The following GRM7 variants were observed in gnomAD, a reference collection of about 807,000 sequenced individuals.
GRM7 encodes glutamate metabotropic receptor 7.
Under a neutral mutation model 84.5 loss-of-function variants are expected in GRM7, and 35 were observed. The ratio of observed to expected loss-of-function variants is 0.41; its 90% CI spans 0.32 to 0.55. The LOEUF is 0.55. Ranked by LOEUF, GRM7 falls within the 20% of genes least tolerant of loss-of-function variation. The pLI is 0.19. For missense variants in GRM7, 1,003 were observed against 1,194.6 expected (o/e 0.84, Z 2.36); for synonymous variants, 487 against 455.1 (o/e 1.07, Z -0.89).
intron 1 of GRM7, among the ~76,000 whole-genome samples, chr3:7,036,743 C>A (rs1696401175): frequency 6.6e-6 from 1 of 152,048 alleles, no homozygotes; most frequent in African/African-American, 2.4e-5. Context: ...GGCAATTTTG[C>A]AGTTTTAAAG....
At chr3:7,061,339 A>T (rs1697428293) in intron 1 of GRM7, among the ~76,000 whole-genome samples, 1 of 151,804 alleles carries the variant, frequency 6.6e-6, no homozygotes, top group East Asian at 1.9e-4. Flanking sequence ...GTGCTGGATA[A>T]TGTTAAAGTT....
At chr3:7,600,115 A>G (rs1010795985) in intron 8 of GRM7, among the ~76,000 whole-genome samples, 2 of 152,062 alleles carry the variant, frequency 1.3e-5, no homozygotes, top group Admixed American at 1.3e-4. Flanking sequence ...TTTCATAGCT[A>G]AATTGTTCAA....
intron 7 of GRM7, among the ~76,000 whole-genome samples, chr3:7,568,795 T>C (rs951212819): frequency 1.3e-5 from 2 of 152,098 alleles, no homozygotes; most frequent in African/African-American, 2.4e-5. Context: ...CCACTGGCGC[T>C]GCGCTTGATT....
intron 8 of GRM7, among the ~76,000 whole-genome samples, chr3:7,583,989 C>T (rs1490685085): frequency 2.6e-5 from 4 of 152,028 alleles, no homozygotes; most frequent in East Asian, 1.9e-4. Context: ...TGATAGTTGT[C>T]GCACAAAGAA....
At chr3:7,602,080 CAAAAAAA>C (rs562646639) in intron 8 of GRM7, among the ~76,000 whole-genome samples, 193 of 93,798 alleles carry the variant, frequency 2.1e-3, no homozygotes, top group Non-Finnish European at 2.9e-3. Flanking sequence ...ATTACCAGGA[CAAAAAAA>C]AAAAAAAAAA....
At chr3:7,290,025 TAAAA>T (rs987276752) in intron 2 of GRM7, among the ~76,000 whole-genome samples, 4 of 151,908 alleles carry the variant, frequency 2.6e-5, no homozygotes, top group African/African-American at 9.7e-5. Flanking sequence ...AAAATAAAAA[TAAAA>T]ATAAAAAAAG....
intron 1 of GRM7, among the ~76,000 whole-genome samples, chr3:7,036,455 T>C (rs1696387749): frequency 6.6e-6 from 1 of 152,162 alleles, no homozygotes. Context: ...GGTCATCATC[T>C]TGAGAATCAC....
chr3:7,590,738 C>G lies in GRM7; in HGVS notation c.2451+11381C>G, dbSNP rs75028138. 1.4e-3 allele frequency among the ~76,000 whole-genome samples: 219 copies of G among 152,196 alleles called. 1 individual carries two copies. The highest frequency in any genetic ancestry group is 4.8e-3 in the African/African-American group (199 of 41,522). On this transcript the variant is annotated intron_variant, in intron 8 of 9. Transcript: ENST00000357716. The stretch of plus-strand genomic sequence containing the variant: ...TCCATGCTGTGTTCTTCTCACCACT[C>G]GAAGCTCAGCCTACAGACACATATC...
intron 4 of GRM7, among the ~76,000 whole-genome samples, chr3:7,401,354 A>C (rs907262694): frequency 1.3e-5 from 2 of 152,174 alleles, no homozygotes; most frequent in Non-Finnish European, 2.9e-5. Flanking sequence ...GCTGTAGTGC[A>C]AACAGTGTTG....
chr3:7,437,969 TAAAAA>T (rs56264998), intron 5 of GRM7, among the ~76,000 whole-genome samples: 1 of 147,968 alleles, frequency 6.8e-6, no homozygotes, highest in Non-Finnish European at 1.5e-5. Flanking sequence ...GAAATTTGTT[TAAAAA>T]AAAAAGGTCA....
intron 4 of GRM7, among the ~76,000 whole-genome samples, chr3:7,352,212 C>T (rs911319943): frequency 1.3e-5 from 2 of 151,888 alleles, no homozygotes; most frequent in East Asian, 1.9e-4. Flanking sequence ...TTTTATAGTA[C>T]TGAGAGCACT....
At chr3:7,284,548 A>C (rs1699364285) in intron 2 of GRM7, among the ~76,000 whole-genome samples, 1 of 152,162 alleles carries the variant, frequency 6.6e-6, no homozygotes, top group Non-Finnish European at 1.5e-5. Context: ...TCAGTAGAGC[A>C]CTGGGTAAGA....
intron 2 of GRM7, among the ~76,000 whole-genome samples, chr3:7,197,061 T>A (rs1413169106): frequency 6.6e-6 from 1 of 152,172 alleles, no homozygotes. Context: ...TTCTTACAAA[T>A]GTACATTCTT....
chr3:7,362,141 A>T (rs2125106237), intron 4 of GRM7, among the ~76,000 whole-genome samples: 1 of 152,240 alleles, frequency 6.6e-6, no homozygotes, highest in South Asian at 2.1e-4. Flanking sequence ...TGTCATTGTG[A>T]TTGAAATGCT....
chr3:7,022,347 A>C (rs1365886973), intron 1 of GRM7, among the ~76,000 whole-genome samples: 1 of 142,328 alleles, frequency 7.0e-6, no homozygotes, highest in Admixed American at 7.2e-5. Context: ...ATAATAAAAT[A>C]TATATATATA....
At chr3:7,114,145 C>T (rs867814449) in intron 1 of GRM7, among the ~76,000 whole-genome samples, 23 of 152,102 alleles carry the variant, frequency 1.5e-4, no homozygotes, top group Admixed American at 3.3e-4. Flanking sequence ...TTGGGGAAAA[C>T]GTGTAAGTTC....
chr3:7,185,130 C>G (rs972663565), intron 2 of GRM7, among the ~76,000 whole-genome samples: 4 of 152,036 alleles, frequency 2.6e-5, no homozygotes, highest in African/African-American at 7.2e-5. Flanking sequence ...TATTTAAACC[C>G]TGATTTCTGC....
At chr3:7,256,202 A>G (rs1698193012) in intron 2 of GRM7, among the ~76,000 whole-genome samples, 1 of 152,158 alleles carries the variant, frequency 6.6e-6, no homozygotes, top group African/African-American at 2.4e-5. Flanking sequence ...ACTATCACAT[A>G]ACACTTACTA....
chr3:7,659,119 C>T (rs1699323687), intron 8 of GRM7, among the ~76,000 whole-genome samples: 1 of 152,204 alleles, frequency 6.6e-6, no homozygotes, highest in Non-Finnish European at 1.5e-5. Context: ...AAGACCTGCT[C>T]TGATTTAAGC....
Sources: allele counts gnomAD v4.1 joint callset (sites outside exome capture counted in the v4.1 genomes callset), GRCh38; gene constraint gnomAD v4.1.1; transcripts MANE v1.5; gene names NCBI Gene and HGNC (gene_info 2026-07-23, HGNC 2026-07-21).